Variants in FTCDNL1 observed in about 807,000 individuals in gnomAD.
The protein encoded by FTCDNL1 is formiminotransferase N-terminal subdomain-containing protein.
A neutral mutation model predicts 5.9 loss-of-function variants in FTCDNL1; 11 were observed. That is an observed-to-expected ratio of 1.87 (90% CI 1.18 to 3.10). FTCDNL1 has a LOEUF of 3.10. Ranked by LOEUF, FTCDNL1 falls within the 30% of genes most tolerant of loss-of-function variation. FTCDNL1 has a pLI of 0.00. For missense variants in FTCDNL1, 115 were observed against 65.5 expected (o/e 1.76, Z -2.61); for synonymous variants, 58 against 24.8 (o/e 2.34, Z -3.99).
chr2:199,706,777 A>G, the FTCDNL1 span, among the ~76,000 whole-genome samples: 1 of 152,192 alleles, frequency 6.6e-6, no homozygotes, highest in African/African-American at 2.4e-5. Context: ...TTGACCTTCA[A>G]GGCCACCCCT....
At chr2:199,742,360 T>C in the FTCDNL1 span, among the ~76,000 whole-genome samples, 1 of 152,156 alleles carries the variant, frequency 6.6e-6, no homozygotes, top group Non-Finnish European at 1.5e-5. Context: ...TGTTTTCCCA[T>C]TAACTGCTCA....
chr2:199,803,376 T>C (rs1370537620), intron 3 of FTCDNL1, among the ~76,000 whole-genome samples: 1 of 151,766 alleles, frequency 6.6e-6, no homozygotes, highest in Non-Finnish European at 1.5e-5. Flanking sequence ...CACAACAAAC[T>C]AGAGGTGAAG....
the FTCDNL1 span, among the ~76,000 whole-genome samples, chr2:199,715,298 T>C: frequency 6.6e-6 from 1 of 152,132 alleles, no homozygotes; most frequent in East Asian, 1.9e-4. Context: ...CACCCAAATC[T>C]CATCTTGAAC....
intron 3 of FTCDNL1, among the ~76,000 whole-genome samples, chr2:199,794,982 T>G (rs1196880215): frequency 3.3e-5 from 5 of 152,180 alleles, no homozygotes; most frequent in Non-Finnish European, 7.3e-5. Context: ...TGTAGGGACT[T>G]TGGAGTCAGA....
In FTCDNL1 at chr2:199,850,773, G is replaced by C. The variant is rs1323628296; in HGVS notation, c.-41C>G. On this transcript the variant is annotated 5_prime_UTR_variant, in exon 1 of 5. Coordinates refer to ENST00000420128, the MANE Select transcript of FTCDNL1 (RefSeq NM_001363886.2). ...TGCGCACGCACCCCACCGGCACTTG[G>C]AGGCCGCAAGGACGCTCGCCAGGCT... 2 of 152,392 alleles carry C rather than the reference G, an allele frequency of 1.3e-5. No individual in the cohort carries two copies. Among genetic ancestry groups the C allele is most frequent in the African/African-American group, 2.4e-5 (1 of 41,470 alleles). The allele number at this position is 152,392 out of a possible 1,614,324, so 9.4% of individuals were successfully genotyped here. A position where few individuals can be genotyped will look rare whatever the true frequency, so the allele number is the denominator to read the frequency against.
chr2:199,770,624 T>A (rs769988945), intron 3 of FTCDNL1, among the ~76,000 whole-genome samples: 1 of 152,228 alleles, frequency 6.6e-6, no homozygotes, highest in Non-Finnish European at 1.5e-5. Flanking sequence ...TCATGCATTA[T>A]CCTTCACATA....
the FTCDNL1 span, among the ~76,000 whole-genome samples, chr2:199,681,001 G>A: frequency 6.6e-6 from 1 of 152,182 alleles, no homozygotes; most frequent in Non-Finnish European, 1.5e-5. Context: ...CTGGAGAAGT[G>A]GAAGAAAAGT....
At chr2:199,710,004 T>G in the FTCDNL1 span, among the ~76,000 whole-genome samples, 1 of 152,140 alleles carries the variant, frequency 6.6e-6, no homozygotes, top group Admixed American at 6.6e-5. Context: ...TTGCTAAAAT[T>G]TATTTGAAAC....
intron 3 of FTCDNL1, among the ~76,000 whole-genome samples, chr2:199,798,499 A>G (rs1386425428): frequency 6.6e-6 from 1 of 152,234 alleles, no homozygotes; most frequent in Non-Finnish European, 1.5e-5. Flanking sequence ...ACGTCCTCAG[A>G]GCAATTTTAG....
At chr2:199,679,118 A>AG in the FTCDNL1 span, among the ~76,000 whole-genome samples, 1 of 152,112 alleles carries the variant, frequency 6.6e-6, no homozygotes, top group Non-Finnish European at 1.5e-5. Context: ...TTGATTTAGC[A>AG]GGGGGAGAAA....
the FTCDNL1 span, among the ~76,000 whole-genome samples, chr2:199,728,274 G>A: frequency 6.6e-6 from 1 of 151,322 alleles, no homozygotes; most frequent in Non-Finnish European, 1.5e-5. Context: ...TTGAGACGGG[G>A]TCTTGCTCTG....
At chr2:199,698,385 A>G in the FTCDNL1 span, among the ~76,000 whole-genome samples, 1 of 152,330 alleles carries the variant, frequency 6.6e-6, no homozygotes, top group East Asian at 1.9e-4. Flanking sequence ...ACAGTTGGCC[A>G]TAAAGCAATT....
At chr2:199,750,578 A>C in the FTCDNL1 span, among the ~76,000 whole-genome samples, 1 of 152,164 alleles carries the variant, frequency 6.6e-6, no homozygotes, top group Admixed American at 6.5e-5. Flanking sequence ...AGAAAGAAAT[A>C]TTGATGCTCT....
At chr2:199,742,553 G>T in the FTCDNL1 span, among the ~76,000 whole-genome samples, 1 of 152,094 alleles carries the variant, frequency 6.6e-6, no homozygotes, top group African/African-American at 2.4e-5. Flanking sequence ...ACTACTAATA[G>T]CTCATAGTTA....
At chr2:199,690,975 G>A in the FTCDNL1 span, among the ~76,000 whole-genome samples, 1 of 152,036 alleles carries the variant, frequency 6.6e-6, no homozygotes, top group Admixed American at 6.6e-5. Flanking sequence ...TCATCAATCA[G>A]CTTATTAAAA....
rs1383742685 is a variant in FTCDNL1 at position 199,812,681 on chromosome 2, T to A, written c.*24A>T. ...GATCCCCTCACTGCAAGGCTGAAAT[T>A]CCAATTTTCTTCCAACACAACTGTC... is the stretch of plus-strand genomic sequence containing the variant. On this transcript the variant is annotated 3_prime_UTR_variant, in exon 5 of 5. Transcript: ENST00000420128. 2.9e-6 allele frequency: 2 copies of A among 698,170 alleles called. No individual in the cohort carries two copies. The highest frequency in any genetic ancestry group is 5.2e-6 in the Non-Finnish European group (2 of 383,288). The allele number at this position is 698,170 out of a possible 1,614,324, so 43.2% of individuals were successfully genotyped here.
chr2:199,721,325 G>A, the FTCDNL1 span, among the ~76,000 whole-genome samples: 1 of 152,076 alleles, frequency 6.6e-6, no homozygotes, highest in African/African-American at 2.4e-5. Context: ...CTGTGTCCAT[G>A]TAGTCTCATT....
the FTCDNL1 span, among the ~76,000 whole-genome samples, chr2:199,707,397 C>T: frequency 1.3e-5 from 2 of 151,880 alleles, no homozygotes; most frequent in East Asian, 1.9e-4. Context: ...CTTGAATAAT[C>T]TTTACAATTT....
the FTCDNL1 span, among the ~76,000 whole-genome samples, chr2:199,693,692 G>C: frequency 6.6e-6 from 1 of 152,122 alleles, no homozygotes; most frequent in African/African-American, 2.4e-5. Context: ...CTGTAAAATG[G>C]AGTAATTTCT....
Sources: gnomAD v4.1 joint callset for allele counts (sites outside exome capture counted in the v4.1 genomes callset) on GRCh38, gnomAD v4.1.1 for gene constraint, MANE v1.5 for transcripts, NCBI Gene and HGNC (gene_info 2026-07-23, HGNC 2026-07-21) for gene names.